The following EMC1 variants were observed in gnomAD, a reference collection of about 807,000 sequenced individuals.
EMC1 encodes the protein KIAA0090.
EMC1 carries 103 observed loss-of-function variants against 128.8 expected under a neutral mutation model. The observed-to-expected ratio is 0.80, with a 90% CI of 0.68 to 0.94. The LOEUF (loss-of-function observed/expected upper bound fraction) is 0.94, where lower values mean the gene tolerates loss of function less well. EMC1 is among the 40% of genes least tolerant of loss of function. The pLI, the probability that EMC1 is intolerant of heterozygous loss-of-function variation, is 0.00. For synonymous variants in EMC1, 442 were observed against 490.4 expected, an observed-to-expected ratio of 0.90 and a Z score of 1.30; for missense variants, 1,083 against 1,250.6, an observed-to-expected ratio of 0.87 and a Z score of 2.02.
At chr1:19,239,395 T>A (rs1189083116) in intron 8 of EMC1, 93 bp from the exon 9 acceptor site, 1 of 1,162,798 alleles carries the variant, frequency 8.6e-7, no homozygotes, top group East Asian at 2.4e-5. Context: ...GCCCTTGGCC[T>A]TAGAGTTGAA....
chr1:19,220,757 G>A lies in EMC1; in HGVS notation c.2672+7C>T, dbSNP rs2151935332. The A allele has an allele frequency of 5.6e-6, 9 of 1,610,282 alleles. No homozygotes were observed. The highest frequency in any genetic ancestry group is 1.7e-5 in the Admixed American group (1 of 59,618). On this transcript the variant is annotated splice_region_variant and intron_variant, in intron 21 of 22. Transcript: ENST00000477853. ...AGAGCCTTCAGCACTGCCCATGAGGGTCTCACCTGCTTTGTTCTGTTGGGA... is the reference window on the plus strand; with the variant it reads ...AGAGCCTTCAGCACTGCCCATGAGGATCTCACCTGCTTTGTTCTGTTGGGA...
Position 19,220,752 on chromosome 1 carries a change from T to C in EMC1, c.2672+12A>G, listed in dbSNP as rs1424683287. The C allele has an allele frequency of 6.2e-7, 1 of 1,607,968 alleles. No individual in the cohort carries two copies. The highest frequency in any genetic ancestry group is 2.2e-5 in the East Asian group (1 of 44,780). Reference sequence around the variant, plus strand: ...AGGTCAGAGCCTTCAGCACTGCCCATGAGGGTCTCACCTGCTTTGTTCTGT... The same window carrying C: ...AGGTCAGAGCCTTCAGCACTGCCCACGAGGGTCTCACCTGCTTTGTTCTGT... On this transcript the variant is annotated intron_variant, in intron 21 of 22. Coordinates refer to ENST00000477853, the MANE Select transcript of EMC1 (RefSeq NM_015047.3).
At chr1:19,228,261 A>G (rs941114214) in intron 17 of EMC1, among the ~76,000 whole-genome samples, 5 of 152,072 alleles carry the variant, frequency 3.3e-5, no homozygotes, top group African/African-American at 9.7e-5. Flanking sequence ...AACGCTCAAT[A>G]GTATCCCGTT....
chr1:19,222,662 G>A lies in EMC1; in HGVS notation c.2549C>T (p.Thr850Ile), dbSNP rs973743110. ...GCTGGTGATGCCCCGTTCGGTGATG[G>A]TGGCCTCCATGGCACTGATGGAGGA... is the stretch of plus-strand genomic sequence containing the variant. ...FPSSISAMEA[T>I]ITERGITSRH... Residue 850 changes from threonine to isoleucine, a missense_variant, in exon 20 of 23, where the codon ACC becomes ATC. Around this residue, in one of 3 missense-constraint regions of EMC1, gnomAD observed 527 missense variants for 644.1 expected, o/e 0.82. Coordinates refer to ENST00000477853, the MANE Select transcript of EMC1 (RefSeq NM_015047.3). 1 of 1,614,132 alleles carries A rather than the reference G, an allele frequency of 6.2e-7. No homozygotes were observed. Among genetic ancestry groups the A allele is most frequent in the Non-Finnish European group, 8.5e-7 (1 of 1,180,030 alleles).
Position 19,216,516 on chromosome 1 carries a change from T to C in EMC1, c.*2787A>G, listed in dbSNP as rs1571958772. ...ATCTCATGTACCCCATAAGTATATG[T>C]ACCTAATATGTACCCACAAAAAATT... On this transcript the variant is annotated 3_prime_UTR_variant, in exon 23 of 23. Coordinates refer to ENST00000477853, the MANE Select transcript of EMC1 (RefSeq NM_015047.3). 2 of 152,180 alleles carry C rather than the reference T, an allele frequency of 1.3e-5. No homozygotes were observed. The highest frequency in any genetic ancestry group is 2.1e-4 in the South Asian group (1 of 4,832). 9.4% of individuals were successfully genotyped at this position (152,180 alleles called of 1,614,324 possible).
At chr1:19,248,158 C>T (rs1260299730) in intron 1 of EMC1, among the ~76,000 whole-genome samples, 4 of 152,160 alleles carry the variant, frequency 2.6e-5, no homozygotes, top group African/African-American at 9.7e-5. Flanking sequence ...GATCCTGACC[C>T]TATTTAGGCC....
chr1:19,240,191 T>G (rs1472818740), intron 7 of EMC1, 106 bp downstream of exon 7: 7 of 1,433,258 alleles, frequency 4.9e-6, no homozygotes, highest in Non-Finnish European at 6.7e-6. Context: ...TGGCTTCCAC[T>G]GCTCAGGAAG....
chr1:19,238,723 C>T, intron 10 of EMC1, 72 bp downstream of exon 10: 4 of 1,030,146 alleles, frequency 3.9e-6, no homozygotes, highest in Non-Finnish European at 6.1e-6. Context: ...CTAACCAAAG[C>T]TCTTCCCCCA....
At chr1:19,250,532 A>C (rs1457553240) in intron 1 of EMC1, among the ~76,000 whole-genome samples, 2 of 152,246 alleles carry the variant, frequency 1.3e-5, no homozygotes, top group Non-Finnish European at 2.9e-5. Context: ...ACAGGTACTC[A>C]ACATATATGC....
chr1:19,237,993 C>T, intron 11 of EMC1, 24 bp downstream of exon 11: 1 of 1,610,770 alleles, frequency 6.2e-7, no homozygotes, highest in Non-Finnish European at 8.5e-7. Flanking sequence ...ACAGGACAGT[C>T]TGCAAAGAAA....
intron 1 of EMC1, among the ~76,000 whole-genome samples, chr1:19,250,711 A>G (rs938495775): frequency 2.0e-5 from 3 of 152,230 alleles, no homozygotes; most frequent in African/African-American, 7.2e-5. Flanking sequence ...TCATTCTCAC[A>G]AGTACTGTAA....
At chr1:19,222,487 C>A (rs12405382) in intron 20 of EMC1, 137 bp downstream of exon 20, 2 of 696,396 alleles carry the variant, frequency 2.9e-6, no homozygotes, top group Non-Finnish European at 4.9e-6. Context: ...CTTTTTCCAC[C>A]GATATATAGC....
At chr1:19,250,538 T>C (rs1355107616) in intron 1 of EMC1, among the ~76,000 whole-genome samples, 1 of 152,166 alleles carries the variant, frequency 6.6e-6, no homozygotes, top group East Asian at 1.9e-4. Flanking sequence ...ACTCAACATA[T>C]ATGCGAATCA....
chr1:19,251,479 G>C lies in EMC1; in HGVS notation c.31C>G (p.Leu11Val). 6.2e-7 allele frequency: 1 copy of C among 1,614,172 alleles called. No individual in the cohort carries two copies. Among genetic ancestry groups the C allele is most frequent in the Non-Finnish European group, 8.5e-7 (1 of 1,180,036 alleles). MAAEWASRFW[L>V]WATLLIPAAA... ...GCAGGAATCAGCAGCGTAGCCCAAA[G>C]CCAGAAACGAGAAGCCCACTCAGCC... Residue 11 changes from leucine (L) to valine (V), a missense_variant, in exon 1 of 23, where the codon CTT becomes GTT. Coordinates refer to ENST00000477853, the MANE Select transcript of EMC1 (RefSeq NM_015047.3).
At chr1:19,251,002 G>C (rs1011288755) in intron 1 of EMC1, among the ~76,000 whole-genome samples, 4 of 152,178 alleles carry the variant, frequency 2.6e-5, no homozygotes, top group Non-Finnish European at 5.9e-5. Flanking sequence ...TAAGACGAAA[G>C]CTCCTGTTCA....
chr1:19,225,552 C>T (rs1423866561), intron 18 of EMC1, among the ~76,000 whole-genome samples: 1 of 152,088 alleles, frequency 6.6e-6, no homozygotes, highest in Non-Finnish European at 1.5e-5. Flanking sequence ...GAGGCTGAGG[C>T]AGGAGAATCT....
At chr1:19,227,590 G>A (rs2093485309) in intron 17 of EMC1, 140 bp from the exon 18 acceptor site, 2 of 1,040,634 alleles carry the variant, frequency 1.9e-6, no homozygotes, top group Non-Finnish European at 2.8e-6. Context: ...AAATGAGCCA[G>A]GAGCAGTGGC....
intron 18 of EMC1, among the ~76,000 whole-genome samples, chr1:19,223,840 A>G (rs573410198): frequency 6.6e-6 from 1 of 152,292 alleles, no homozygotes; most frequent in East Asian, 1.9e-4. Context: ...AAAAGTCCCA[A>G]AGTAGTTAAG....
At chr1:19,240,705 CT>C in intron 6 of EMC1, 1 of 574,824 alleles carries the variant, frequency 1.7e-6, no homozygotes, top group South Asian at 2.2e-5. Context: ...ATACCTGGCA[CT>C]TCAGAATCAG....
Sources: gnomAD v4.1 joint callset for allele counts (sites outside exome capture counted in the v4.1 genomes callset) on GRCh38, gnomAD v4.1.1 for gene constraint, gnomAD v4.1.1 regional missense constraint, MANE v1.5 for transcripts, NCBI Gene and HGNC (gene_info 2026-07-23, HGNC 2026-07-21) for gene names.